The following CDH18 variants were observed in gnomAD, a reference collection of about 807,000 sequenced individuals.
The protein encoded by CDH18 is cadherin-18.
A neutral mutation model predicts 67.9 loss-of-function variants in CDH18; 31 were observed. The ratio of observed to expected loss-of-function variants is 0.46; its 90% CI spans 0.34 to 0.62. CDH18 has a LOEUF of 0.62. Among genes scored for constraint, CDH18 ranks in the 20% least tolerant of loss-of-function variants. CDH18 has a pLI of 0.01. For synonymous variants in CDH18, 362 were observed against 347.2 expected (o/e 1.04, Z -0.48); for missense variants, 890 against 975.5 (o/e 0.91, Z 1.17).
rs552214016 is a variant in CDH18 at position 19,803,196 on chromosome 5, A to C, written c.228+35563T>G. ...TGCATGCTATCTGAAACCAAGATGA[A>C]GTGAGTCTGACTTAACTCTCCCAGT... On this transcript the variant is annotated intron_variant, in intron 3 of 12. Transcript: ENST00000382275. Among the ~76,000 whole-genome samples, 6 of 152,346 alleles carry C rather than the reference A, an allele frequency of 3.9e-5. No individual in the cohort carries two copies. The East Asian group carries it at 1.2e-3, about 29-fold the overall frequency.
At chr5:20,368,640 G>A (rs760441427) in intron 1 of CDH18, among the ~76,000 whole-genome samples, 7 of 152,122 alleles carry the variant, frequency 4.6e-5, no homozygotes, top group South Asian at 2.1e-4. Flanking sequence ...GCTTTGGAGA[G>A]GCAGTGCTAA....
At chr5:20,134,578 G>C (rs1749543221) in intron 2 of CDH18, among the ~76,000 whole-genome samples, 1 of 152,072 alleles carries the variant, frequency 6.6e-6, no homozygotes, top group South Asian at 2.1e-4. Context: ...TCTCCACCTG[G>C]TCCCTTCCGT....
intron 2 of CDH18, among the ~76,000 whole-genome samples, chr5:20,175,259 C>T (rs1361612519): frequency 1.3e-5 from 2 of 152,036 alleles, no homozygotes; most frequent in Admixed American, 6.6e-5. Flanking sequence ...ACATAAGCAA[C>T]CTATTCCAGA....
intron 1 of CDH18, among the ~76,000 whole-genome samples, chr5:20,549,490 A>C (rs1313386123): frequency 1.3e-5 from 2 of 152,188 alleles, no homozygotes; most frequent in African/African-American, 4.8e-5. Flanking sequence ...TCTTAGATTT[A>C]CTACAGTAGG....
At chr5:20,149,919 TA>T (rs1280048126) in intron 2 of CDH18, among the ~76,000 whole-genome samples, 2 of 152,102 alleles carry the variant, frequency 1.3e-5, no homozygotes, top group South Asian at 4.1e-4. Flanking sequence ...GTTACATTCC[TA>T]AATTGATTTT....
chr5:19,744,503 TACACACACACACACACACACACAC>T (rs34059092), intron 4 of CDH18, among the ~76,000 whole-genome samples: 6 of 146,270 alleles, frequency 4.1e-5, no homozygotes, highest in Non-Finnish European at 7.6e-5. Flanking sequence ...TAACTCAGTG[TACACACACACACACACACACACAC>T]ACACACACAC....
intron 1 of CDH18, among the ~76,000 whole-genome samples, chr5:20,551,730 G>T (rs749926050): frequency 3.3e-5 from 5 of 152,104 alleles, no homozygotes; most frequent in Non-Finnish European, 7.4e-5. Flanking sequence ...AGTCACCAAA[G>T]ATGAGAATTT....
chr5:19,816,761 A>T (rs1479140497), intron 3 of CDH18, among the ~76,000 whole-genome samples: 1 of 151,878 alleles, frequency 6.6e-6, no homozygotes, highest in African/African-American at 2.4e-5. Context: ...AACCGAAGAT[A>T]AAAAGGGCTA....
chr5:19,677,705 A>T (rs959609744), intron 5 of CDH18, among the ~76,000 whole-genome samples: 2 of 152,008 alleles, frequency 1.3e-5, no homozygotes, highest in African/African-American at 4.8e-5. Context: ...TAAAAAAAAA[A>T]GGAGACAGAA....
At chr5:19,555,110 T>C (rs1738151311) in intron 8 of CDH18, among the ~76,000 whole-genome samples, 1 of 152,198 alleles carries the variant, frequency 6.6e-6, no homozygotes, top group Admixed American at 6.5e-5. Context: ...CAAATGGTAC[T>C]TCAGACGTTG....
At position 19,554,744 on chromosome 5, in the gene CDH18, A is replaced by T. The variant is rs149155221; in HGVS notation, c.1254-10739T>A. ...CCTGGTTTGGTCACAAGATGGTGACATTAGGCTGTTAGATAAACTTTAACC... is the reference window on the plus strand; with the variant it reads ...CCTGGTTTGGTCACAAGATGGTGACTTTAGGCTGTTAGATAAACTTTAACC... On this transcript the variant is annotated intron_variant, in intron 8 of 12. Transcript: ENST00000382275. Among the ~76,000 whole-genome samples the T allele has an allele frequency of 5.0e-3, 756 of 152,228 alleles. 4 individuals carry two copies. The highest frequency in any genetic ancestry group is 0.027 in the South Asian group (132 of 4,818).
At chr5:20,364,797 A>G (rs1401158873) in intron 1 of CDH18, among the ~76,000 whole-genome samples, 1 of 152,216 alleles carries the variant, frequency 6.6e-6, no homozygotes, top group Non-Finnish European at 1.5e-5. Flanking sequence ...ACATATTTAC[A>G]TATAATAGTA....
intron 11 of CDH18, among the ~76,000 whole-genome samples, chr5:19,498,512 C>A (rs535745765): frequency 6.6e-6 from 1 of 152,260 alleles, no homozygotes; most frequent in African/African-American, 2.4e-5. Context: ...GCTCACAATC[C>A]ATTATCTACA....
intron 2 of CDH18, among the ~76,000 whole-genome samples, chr5:19,952,516 T>C (rs2150269036): frequency 6.6e-6 from 1 of 152,308 alleles, no homozygotes; most frequent in East Asian, 1.9e-4. Flanking sequence ...CACACATCAG[T>C]CCAGTACCTT....
chr5:19,537,664 T>C (rs1019319768), intron 9 of CDH18, among the ~76,000 whole-genome samples: 5 of 152,104 alleles, frequency 3.3e-5, no homozygotes, highest in African/African-American at 1.2e-4. Context: ...ACTACCAGTT[T>C]TGTAGCCCCT....
intron 6 of CDH18, among the ~76,000 whole-genome samples, chr5:19,600,153 A>G (rs1240240520): frequency 2.1e-5 from 3 of 142,916 alleles, no homozygotes; most frequent in Non-Finnish European, 4.6e-5. Context: ...TTAAACTATG[A>G]GAACACTTGG....
intron 2 of CDH18, among the ~76,000 whole-genome samples, chr5:20,157,789 A>G (rs1326936592): frequency 1.3e-5 from 2 of 151,732 alleles, no homozygotes; most frequent in African/African-American, 4.8e-5. Context: ...CTACAGGCCC[A>G]CACCACCACA....
chr5:20,110,952 A>G (rs1172778910), intron 2 of CDH18, among the ~76,000 whole-genome samples: 2 of 152,106 alleles, frequency 1.3e-5, no homozygotes, highest in East Asian at 3.9e-4. Context: ...GCTTTTTTCT[A>G]CTGCTTTGAT....
intron 9 of CDH18, among the ~76,000 whole-genome samples, chr5:19,532,900 T>C (rs900213161): frequency 7.9e-5 from 12 of 152,176 alleles, no homozygotes; most frequent in South Asian, 4.1e-4. Context: ...ATTCCAAAGA[T>C]AGATAAGACA....
Sources: allele counts gnomAD v4.1 joint callset (sites outside exome capture counted in the v4.1 genomes callset), GRCh38; gene constraint gnomAD v4.1.1; transcripts MANE v1.5; gene names NCBI Gene and HGNC (gene_info 2026-07-23, HGNC 2026-07-21).